The following BMPR1B variants were observed in gnomAD, a reference collection of about 807,000 sequenced individuals.
The protein encoded by BMPR1B is bone morphogenetic protein receptor type-1B.
A neutral mutation model predicts 59.1 loss-of-function variants in BMPR1B; 12 were observed. The observed-to-expected ratio is 0.20, with a 90% confidence interval of 0.13 to 0.33. BMPR1B has a LOEUF of 0.33. Ranked by LOEUF, BMPR1B falls within the 10% of genes least tolerant of loss-of-function variation. The pLI, the probability that BMPR1B is intolerant of heterozygous loss-of-function variation, is 1.00. For missense variants in BMPR1B, 550 were observed against 610.9 expected (o/e 0.90, Z 1.05); for synonymous variants, 237 against 207.3 (o/e 1.14, Z -1.23).
intron 2 of BMPR1B, among the ~76,000 whole-genome samples, chr4:94,877,577 A>T (rs1726780144): frequency 6.6e-6 from 1 of 152,204 alleles, no homozygotes; most frequent in African/African-American, 2.4e-5. Context: ...ACATTTTAGG[A>T]TTAATTTAGA....
rs186492620 is a variant in BMPR1B at position 94,979,831 on chromosome 4, G to A, written c.-112-16209G>A. 6.6e-5 allele frequency among the ~76,000 whole-genome samples: 10 copies of A among 152,294 alleles called. No homozygotes were observed. The East Asian group carries it at 1.7e-3, about 26-fold the overall frequency. On this transcript the variant is annotated intron_variant, in intron 2 of 12. Transcript: ENST00000515059. ...TTCTGTCACTACATATGTGGGCCAC[G>A]TGTGCTTTGGAAAATGTTGGACTGT...
intron 4 of BMPR1B, among the ~76,000 whole-genome samples, chr4:95,112,147 C>T (rs1318574374): frequency 6.6e-6 from 1 of 151,994 alleles, no homozygotes; most frequent in Non-Finnish European, 1.5e-5. Context: ...ACTACAGTTC[C>T]CTGATTCATC....
At chr4:94,927,166 C>A (rs548138947) in intron 2 of BMPR1B, among the ~76,000 whole-genome samples, 15 of 152,118 alleles carry the variant, frequency 9.9e-5, no homozygotes, top group African/African-American at 3.6e-4. Flanking sequence ...TCATTCCTTG[C>A]GAGTCACTGA....
chr4:94,890,288 C>T (rs1355878617), intron 2 of BMPR1B, among the ~76,000 whole-genome samples: 3 of 151,996 alleles, frequency 2.0e-5, no homozygotes, highest in Non-Finnish European at 4.4e-5. Context: ...TGCATGTCTG[C>T]ACTTATTGCT....
At chr4:94,873,687 C>T (rs901076702) in intron 1 of BMPR1B, among the ~76,000 whole-genome samples, 1 of 152,304 alleles carries the variant, frequency 6.6e-6, no homozygotes, top group East Asian at 1.9e-4. Context: ...GGATTACAGG[C>T]GTGAGCTGCC....
chr4:94,963,487 A>G (rs996155409), intron 2 of BMPR1B, among the ~76,000 whole-genome samples: 131 of 152,238 alleles, frequency 8.6e-4, no homozygotes, highest in East Asian at 7.7e-4. Context: ...TCTTACATTT[A>G]AGTTTTTAAT....
At chr4:94,845,543 C>T (rs902856015) in intron 1 of BMPR1B, among the ~76,000 whole-genome samples, 3 of 152,018 alleles carry the variant, frequency 2.0e-5, no homozygotes, top group African/African-American at 4.8e-5. Flanking sequence ...GGGGTTTCAC[C>T]ATGTTAGCCA....
At chr4:94,953,581 GC>G (rs1406171151) in intron 2 of BMPR1B, among the ~76,000 whole-genome samples, 1 of 151,538 alleles carries the variant, frequency 6.6e-6, no homozygotes, top group Admixed American at 6.5e-5. Context: ...TTGAATATTG[GC>G]CCCCACTCTC....
chr4:95,092,019 G>T (rs1579064080), intron 3 of BMPR1B, among the ~76,000 whole-genome samples: 1 of 151,976 alleles, frequency 6.6e-6, no homozygotes, highest in African/African-American at 2.4e-5. Flanking sequence ...TATAGTTTTT[G>T]ATGTTGTGAA....
At chr4:94,874,489 C>A (rs1244547153) in intron 1 of BMPR1B, among the ~76,000 whole-genome samples, 1 of 151,988 alleles carries the variant, frequency 6.6e-6, no homozygotes, top group Non-Finnish European at 1.5e-5. Context: ...AATCATGGAG[C>A]ATATGTAAAT....
chr4:95,018,109 T>A (rs577134910), intron 3 of BMPR1B, among the ~76,000 whole-genome samples: 42 of 152,210 alleles, frequency 2.8e-4, no homozygotes, highest in Non-Finnish European at 5.4e-4. Flanking sequence ...AACTGAAATA[T>A]TTAGTGATGA....
chr4:95,068,294 A>T (rs974441303), intron 3 of BMPR1B, among the ~76,000 whole-genome samples: 6 of 152,160 alleles, frequency 3.9e-5, no homozygotes, highest in South Asian at 2.1e-4. Flanking sequence ...AAACTATATT[A>T]TGCTTAGCTT....
chr4:94,772,274 T>G (rs910715743), intron 1 of BMPR1B, among the ~76,000 whole-genome samples: 3 of 152,176 alleles, frequency 2.0e-5, no homozygotes, highest in African/African-American at 7.2e-5. Flanking sequence ...GACCTCCCCT[T>G]TGTCTTCAGC....
chr4:95,093,723 G>T (rs897240280), intron 3 of BMPR1B, among the ~76,000 whole-genome samples: 10 of 152,006 alleles, frequency 6.6e-5, no homozygotes, highest in Non-Finnish European at 1.5e-4. Context: ...TCATAACCCG[G>T]GTGATGTGTA....
At chr4:95,071,247 A>G (rs1017857892) in intron 3 of BMPR1B, among the ~76,000 whole-genome samples, 2 of 152,166 alleles carry the variant, frequency 1.3e-5, no homozygotes, top group Admixed American at 6.5e-5. Flanking sequence ...TTAGAAATTT[A>G]TTAAACAATT....
chr4:94,873,848 C>T (rs147487627), intron 1 of BMPR1B, among the ~76,000 whole-genome samples: 44 of 152,282 alleles, frequency 2.9e-4, no homozygotes, highest in South Asian at 2.1e-4. Flanking sequence ...AGTATATTCA[C>T]GTTATTGTGC....
At chr4:94,935,920 T>C (rs1341652471) in intron 2 of BMPR1B, among the ~76,000 whole-genome samples, 1 of 152,142 alleles carries the variant, frequency 6.6e-6, no homozygotes, top group Non-Finnish European at 1.5e-5. Flanking sequence ...AGTGAAAAGT[T>C]TAGATTTTGT....
intron 2 of BMPR1B, among the ~76,000 whole-genome samples, chr4:94,905,581 C>T (rs953600078): frequency 4.0e-5 from 6 of 151,780 alleles, no homozygotes; most frequent in Non-Finnish European, 8.8e-5. Flanking sequence ...GTTCTTTAAA[C>T]ATTTTCCCTT....
intron 10 of BMPR1B, among the ~76,000 whole-genome samples, chr4:95,139,324 T>C (rs1425961658): frequency 1.3e-5 from 2 of 152,200 alleles, no homozygotes; most frequent in Admixed American, 1.3e-4. Flanking sequence ...AGTCGGCCCC[T>C]ACTGGGAGGT....
Sources: allele counts gnomAD v4.1 joint callset (sites outside exome capture counted in the v4.1 genomes callset), GRCh38; gene constraint gnomAD v4.1.1; transcripts MANE v1.5; gene names NCBI Gene and HGNC (gene_info 2026-07-23, HGNC 2026-07-21).